Variants in DLGAP1 observed in about 807,000 individuals in gnomAD.
DLGAP1 encodes the protein DLG associated protein 1.
DLGAP1 carries 11 observed loss-of-function variants against 90.8 expected under a neutral mutation model. That is an observed-to-expected ratio of 0.12 (90% CI 0.08 to 0.20). The LOEUF is 0.20. DLGAP1 is among the 10% of genes least tolerant of loss of function. The pLI is 1.00. For missense variants in DLGAP1, 1,050 were observed against 1,333.8 expected, an observed-to-expected ratio of 0.79 and a Z score of 3.31; for synonymous variants, 558 against 540.7, an observed-to-expected ratio of 1.03 and a Z score of -0.44.
chr18:3,726,912 G>A (rs2062205151), intron 7 of DLGAP1, among the ~76,000 whole-genome samples: 1 of 152,162 alleles, frequency 6.6e-6, no homozygotes, highest in Non-Finnish European at 1.5e-5. Flanking sequence ...GATCCCCTCT[G>A]TGCAGGTTGA....
At chr18:3,996,938 C>T (rs1489701208) in intron 3 of DLGAP1, among the ~76,000 whole-genome samples, 1 of 151,692 alleles carries the variant, frequency 6.6e-6, no homozygotes, top group African/African-American at 2.4e-5. Flanking sequence ...TAGGACTACA[C>T]TACACATTAA....
chr18:3,850,842 A>G (rs1010902325), intron 4 of DLGAP1, among the ~76,000 whole-genome samples: 2 of 152,180 alleles, frequency 1.3e-5, no homozygotes, highest in Non-Finnish European at 2.9e-5. Context: ...AACTTGGTTG[A>G]TAGGTAAACA....
At chr18:4,394,618 G>A (rs886820774) in intron 1 of DLGAP1, among the ~76,000 whole-genome samples, 27 of 152,190 alleles carry the variant, frequency 1.8e-4, no homozygotes, top group Admixed American at 2.0e-4. Context: ...TTATGAAAAC[G>A]TAGGTTTTAA....
chr18:3,789,744 C>T (rs914158605), intron 5 of DLGAP1, among the ~76,000 whole-genome samples: 7 of 152,092 alleles, frequency 4.6e-5, no homozygotes, highest in Non-Finnish European at 8.8e-5. Flanking sequence ...AAATATCCCT[C>T]GGCTGTGGCA....
chr18:3,768,234 A>C (rs2064347298), intron 5 of DLGAP1, among the ~76,000 whole-genome samples: 1 of 152,146 alleles, frequency 6.6e-6, no homozygotes, highest in Non-Finnish European at 1.5e-5. Context: ...TTAGGTGTAA[A>C]TCTAACAAAA....
At chr18:4,068,241 T>C (rs1285344498) in intron 2 of DLGAP1, among the ~76,000 whole-genome samples, 4 of 152,050 alleles carry the variant, frequency 2.6e-5, no homozygotes, top group Non-Finnish European at 5.9e-5. Context: ...TCTTTACTAC[T>C]GTATCTCTAG....
chr18:4,168,696 A>G (rs1396341485), intron 1 of DLGAP1, among the ~76,000 whole-genome samples: 4 of 152,198 alleles, frequency 2.6e-5, no homozygotes, highest in Admixed American at 6.5e-5. Flanking sequence ...AATGTCTTCA[A>G]GGTTCATCCA....
chr18:3,530,445 A>C (rs1182972282), intron 10 of DLGAP1, among the ~76,000 whole-genome samples: 1 of 152,090 alleles, frequency 6.6e-6, no homozygotes. Context: ...GGGAAGAAAA[A>C]GAAAGAAAGA....
chr18:3,828,294 T>C (rs1269478674), intron 4 of DLGAP1, among the ~76,000 whole-genome samples: 1 of 152,190 alleles, frequency 6.6e-6, no homozygotes, highest in African/African-American at 2.4e-5. Context: ...TTTTTCATGT[T>C]CTTGTACATC....
At chr18:3,992,374 C>T (rs1175171030) in intron 3 of DLGAP1, among the ~76,000 whole-genome samples, 1 of 152,084 alleles carries the variant, frequency 6.6e-6, no homozygotes, top group Non-Finnish European at 1.5e-5. Context: ...CACATAAAAG[C>T]CACCTATTTA....
At chr18:4,101,115 T>G (rs1663817102) in intron 2 of DLGAP1, among the ~76,000 whole-genome samples, 1 of 152,240 alleles carries the variant, frequency 6.6e-6, no homozygotes, top group Non-Finnish European at 1.5e-5. Context: ...GCAAGAGGCC[T>G]AGCTTTTGGC....
chr18:4,257,771 C>T (rs187027162), intron 1 of DLGAP1, among the ~76,000 whole-genome samples: 5 of 152,018 alleles, frequency 3.3e-5, no homozygotes, highest in African/African-American at 1.2e-4. Flanking sequence ...ACTATAGATG[C>T]ATGCCACTAT....
At chr18:4,091,150 C>A (rs1331896230) in intron 2 of DLGAP1, among the ~76,000 whole-genome samples, 1 of 152,114 alleles carries the variant, frequency 6.6e-6, no homozygotes, top group Non-Finnish European at 1.5e-5. Context: ...GGGCTTAATA[C>A]CTAGGTGATG....
chr18:4,018,887 T>C (rs543079413), intron 2 of DLGAP1, among the ~76,000 whole-genome samples: 1 of 152,234 alleles, frequency 6.6e-6, no homozygotes, highest in East Asian at 1.9e-4. Context: ...CAAGGTTCAA[T>C]AAGTGAGGGT....
At chr18:4,194,875 A>G (rs1284120356) in intron 1 of DLGAP1, among the ~76,000 whole-genome samples, 1 of 152,220 alleles carries the variant, frequency 6.6e-6, no homozygotes, top group Non-Finnish European at 1.5e-5. Context: ...TGGAATGATT[A>G]AATCAAGCCA....
At position 4,380,581 on chromosome 18, in the gene DLGAP1, G is replaced by A. The variant is rs551614990; in HGVS notation, c.-267+74425C>T. Among the ~76,000 whole-genome samples, 6 of 152,254 alleles carry A rather than the reference G, an allele frequency of 3.9e-5. No homozygotes were observed. In the East Asian group the frequency reaches 7.7e-4, roughly 20 times the overall value. On this transcript the variant is annotated intron_variant, in intron 1 of 12. Coordinates refer to ENST00000315677, the MANE Select transcript of DLGAP1 (RefSeq NM_004746.4). ...AGTCTCAAGAAGCATACCAAGCTGA[G>A]CGCTTAAGGGATATAATGGAGAATA...
intron 1 of DLGAP1, among the ~76,000 whole-genome samples, chr18:4,391,486 C>T (rs1476377736): frequency 1.3e-5 from 2 of 152,104 alleles, no homozygotes; most frequent in Admixed American, 6.5e-5. Flanking sequence ...CCTCAAATGC[C>T]GAGTAATATT....
At chr18:3,910,267 G>A (rs61577778) in intron 3 of DLGAP1, among the ~76,000 whole-genome samples, 6,479 of 151,714 alleles carry the variant, frequency 0.043, 395 homozygotes, top group African/African-American at 0.13. Context: ...ACTAAACTGA[G>A]GATAGCTGTC....
intron 2 of DLGAP1, among the ~76,000 whole-genome samples, chr18:4,041,221 T>C (rs1052074613): frequency 2.0e-5 from 3 of 152,218 alleles, no homozygotes; most frequent in Admixed American, 6.5e-5. Context: ...CAATGTAAAA[T>C]ATGTTCTATT....
Sources: gnomAD v4.1 joint callset for allele counts (sites outside exome capture counted in the v4.1 genomes callset) on GRCh38, gnomAD v4.1.1 for gene constraint, MANE v1.5 for transcripts, NCBI Gene and HGNC (gene_info 2026-07-23, HGNC 2026-07-21) for gene names.